C16orf87: variants seen among roughly 807,000 people sequenced by gnomAD.
C16orf87 encodes the protein HDAC and MIER1 interacting protein 1.
In C16orf87, 13 loss-of-function variants were observed where a neutral mutation model predicts 21.0. The ratio of observed to expected loss-of-function variants is 0.62; its 90% CI spans 0.40 to 0.98. The LOEUF (loss-of-function observed/expected upper bound fraction) is 0.98. C16orf87 is among the 50% of genes least tolerant of loss of function. C16orf87 has a pLI of 0.00. For synonymous variants in C16orf87, 49 were observed against 60.2 expected, an observed-to-expected ratio of 0.81 and a Z score of 0.86; for missense variants, 113 against 180.4, an observed-to-expected ratio of 0.63 and a Z score of 2.14.
At position 46,799,729 on chromosome 16, in the gene C16orf87, C is replaced by T. The variant is rs1967716739; in HGVS notation, c.*3223G>A. The T allele has an allele frequency of 6.6e-6, 1 of 152,198 alleles. No homozygotes were observed. The highest frequency in any genetic ancestry group is 2.1e-4 in the South Asian group (1 of 4,838). The allele number at this position is 152,198 out of a possible 1,614,324, so 9.4% of individuals were successfully genotyped here. A position where few individuals can be genotyped will look rare whatever the true frequency, so the allele number is the denominator to read the frequency against. ...GGAGTGCAGTGGCAAGATCATCACT[C>T]ACTGCAGCCTCGAACTCCTGGGCTC... On this transcript the variant is annotated 3_prime_UTR_variant, in exon 4 of 4. Transcript: ENST00000285697.
intron 2 of C16orf87, among the ~76,000 whole-genome samples, chr16:46,822,756 A>C (rs1403119029): frequency 1.3e-5 from 2 of 152,326 alleles, no homozygotes; most frequent in East Asian, 3.9e-4. Flanking sequence ...GTACCCCTAC[A>C]AACTATTCTC....
At chr16:46,809,019 C>CAAAAAA (rs776311594) in intron 3 of C16orf87, among the ~76,000 whole-genome samples, 1 of 51,554 alleles carries the variant, frequency 1.9e-5, no homozygotes, top group African/African-American at 7.0e-5. Context: ...CTTTAAAAGA[C>CAAAAAA]AAAAAAAAAA....
chr16:46,808,119 A>C (rs1463218382), intron 3 of C16orf87: 1 of 455,768 alleles, frequency 2.2e-6, no homozygotes, highest in Admixed American at 2.4e-5. Flanking sequence ...AGTCCTCGGC[A>C]TAGGTTTTCT....
intron 2 of C16orf87, among the ~76,000 whole-genome samples, chr16:46,810,344 T>C (rs989697188): frequency 6.6e-6 from 1 of 152,182 alleles, no homozygotes; most frequent in Non-Finnish European, 1.5e-5. Context: ...TATAAGAGCA[T>C]GTTGTTCCAT....
intron 2 of C16orf87, among the ~76,000 whole-genome samples, chr16:46,812,265 A>ATAAT (rs1166764510): frequency 6.6e-6 from 1 of 152,132 alleles, no homozygotes; most frequent in African/African-American, 2.4e-5. Flanking sequence ...AAATAAATAA[A>ATAAT]TAAATAAGAT....
chr16:46,811,524 G>C (rs1207957560), intron 2 of C16orf87, among the ~76,000 whole-genome samples: 1 of 149,654 alleles, frequency 6.7e-6, no homozygotes, highest in Non-Finnish European at 1.5e-5. Context: ...AAAAGAGAGA[G>C]AGAAGCAGAC....
chr16:46,824,485 G>A lies in C16orf87; in HGVS notation c.67-3C>T. ...CATGATTTACATGCAACAGGAACCT[G>A]TAGGAAAAAAAGAAAAATATATATT... On this transcript the variant is annotated splice_region_variant and splice_polypyrimidine_tract_variant and intron_variant, in intron 1 of 3. Coordinates refer to ENST00000285697, the MANE Select transcript of C16orf87 (RefSeq NM_001001436.4). 6.9e-7 allele frequency: 1 copy of A among 1,447,020 alleles called. No homozygotes were observed. The highest frequency in any genetic ancestry group is 9.4e-7 in the Non-Finnish European group (1 of 1,061,254). 89.6% of individuals were successfully genotyped at this position (1,447,020 alleles called of 1,614,324 possible). A position where few individuals can be genotyped will look rare whatever the true frequency, so the allele number is the denominator to read the frequency against.
rs145575885 is a variant in C16orf87 at position 46,800,051 on chromosome 16, C to A, written c.*2901G>T. The A allele has an allele frequency of 1.8e-3, 281 of 152,224 alleles. No individual in the cohort carries two copies. The highest frequency in any genetic ancestry group is 6.1e-3 in the African/African-American group (252 of 41,560). 9.4% of individuals were successfully genotyped at this position (152,224 alleles called of 1,614,324 possible). A position where few individuals can be genotyped will look rare whatever the true frequency, so the allele number is the denominator to read the frequency against. On this transcript the variant is annotated 3_prime_UTR_variant, in exon 4 of 4. Transcript: ENST00000285697. The stretch of plus-strand genomic sequence containing the variant: ...AATATTGCCAAGTCATTTTAATGAT[C>A]AGAATTAGAGAATCAAGTGCAATTA...
At chr16:46,828,473 A>C (rs917686824) in intron 1 of C16orf87, among the ~76,000 whole-genome samples, 2 of 152,218 alleles carry the variant, frequency 1.3e-5, no homozygotes, top group African/African-American at 2.4e-5. Context: ...AAAATGGCTC[A>C]GTAATTTTGA....
intron 1 of C16orf87, among the ~76,000 whole-genome samples, chr16:46,826,672 CA>C (rs956740548): frequency 6.6e-6 from 1 of 151,698 alleles, no homozygotes; most frequent in Non-Finnish European, 1.5e-5. Flanking sequence ...CAAATCACGA[CA>C]AAAAAAATGC....
At chr16:46,810,950 C>T (rs769365440) in intron 2 of C16orf87, among the ~76,000 whole-genome samples, 1 of 152,110 alleles carries the variant, frequency 6.6e-6, no homozygotes, top group Non-Finnish European at 1.5e-5. Flanking sequence ...ACAAAAACTA[C>T]TTGGCCACCA....
chr16:46,811,302 G>A (rs1229206058), intron 2 of C16orf87, among the ~76,000 whole-genome samples: 2 of 151,948 alleles, frequency 1.3e-5, no homozygotes, highest in Admixed American at 1.3e-4. Flanking sequence ...TCAGGAGTTC[G>A]AGACCAGCCT....
chr16:46,817,869 A>G (rs911349513), intron 2 of C16orf87, among the ~76,000 whole-genome samples: 3 of 150,702 alleles, frequency 2.0e-5, no homozygotes, highest in African/African-American at 7.3e-5. Flanking sequence ...TAAGAACCTA[A>G]AAGTACAGGC....
chr16:46,802,362 A>G lies in C16orf87; in HGVS notation c.*590T>C, dbSNP rs1967802188. The G allele has an allele frequency of 6.6e-6, 1 of 152,534 alleles. No individual in the cohort carries two copies. Among genetic ancestry groups the G allele is most frequent in the Admixed American group, 6.5e-5 (1 of 15,282 alleles). The allele number at this position is 152,534 out of a possible 1,614,324, so 9.4% of individuals were successfully genotyped here. On this transcript the variant is annotated 3_prime_UTR_variant, in exon 4 of 4. Coordinates refer to ENST00000285697, the MANE Select transcript of C16orf87 (RefSeq NM_001001436.4). ...GTCTAGAAAGTATCTCCTAAAATATAACTCATACCTTAAGTAATAAAAATA... is the reference window on the plus strand; with the variant it reads ...GTCTAGAAAGTATCTCCTAAAATATGACTCATACCTTAAGTAATAAAAATA...
chr16:46,803,183 A>G, intron 3 of C16orf87, 113 bp from the exon 4 acceptor site: 1 of 502,148 alleles, frequency 2.0e-6, no homozygotes, highest in Non-Finnish European at 3.5e-6. Flanking sequence ...TAATACTACA[A>G]TATACATTAA....
chr16:46,821,832 G>A (rs1381690977), intron 2 of C16orf87, among the ~76,000 whole-genome samples: 1 of 152,018 alleles, frequency 6.6e-6, no homozygotes, highest in Non-Finnish European at 1.5e-5. Flanking sequence ...CTGCAGCTGA[G>A]GCTGCAGACT....
At chr16:46,809,452 C>G (rs1968019715) in intron 3 of C16orf87, 151 bp downstream of exon 3, 2 of 556,146 alleles carry the variant, frequency 3.6e-6, no homozygotes, top group African/African-American at 3.8e-5. Flanking sequence ...AAATAATAAG[C>G]ATCTACCACA....
intron 1 of C16orf87, among the ~76,000 whole-genome samples, chr16:46,829,728 C>T (rs750993171): frequency 1.3e-5 from 2 of 152,150 alleles, no homozygotes; most frequent in African/African-American, 2.4e-5. Flanking sequence ...ATACTGCATA[C>T]TGGTATAGCT....
intron 2 of C16orf87, among the ~76,000 whole-genome samples, chr16:46,818,868 G>A (rs1959300241): frequency 6.6e-6 from 1 of 152,136 alleles, no homozygotes; most frequent in Non-Finnish European, 1.5e-5. Context: ...AGGGTCTGGA[G>A]GCAGGGAACT....
Sources: allele counts gnomAD v4.1 joint callset (sites outside exome capture counted in the v4.1 genomes callset), GRCh38; gene constraint gnomAD v4.1.1; transcripts MANE v1.5; gene names NCBI Gene and HGNC (gene_info 2026-07-23, HGNC 2026-07-21).